GRIK5: variants seen among roughly 807,000 people sequenced by gnomAD.
GRIK5 encodes glutamate receptor ionotropic, kainate 5.
GRIK5 carries 43 observed loss-of-function variants against 97.4 expected under a neutral mutation model. That is an observed-to-expected ratio of 0.44 (90% CI 0.35 to 0.57). The LOEUF is 0.57. Among genes scored for constraint, GRIK5 ranks in the 20% least tolerant of loss-of-function variants. GRIK5 has a pLI of 0.01. For missense variants in GRIK5, 1,015 were observed against 1,382.0 expected (o/e 0.73, Z 4.21); for synonymous variants, 580 against 583.5 (o/e 0.99, Z 0.09).
At chr19:42,034,243 C>A (rs2075874742) in intron 12 of GRIK5, among the ~76,000 whole-genome samples, 1 of 152,084 alleles carries the variant, frequency 6.6e-6, no homozygotes. Context: ...TGCCTGTAAT[C>A]CCAGCTACTG....
chr19:42,036,093 CTT>C (rs975647429), intron 12 of GRIK5, among the ~76,000 whole-genome samples: 19 of 152,172 alleles, frequency 1.2e-4, no homozygotes, highest in East Asian at 7.7e-4. Context: ...GAGTCTCACT[CTT>C]GTCGCCCAGG....
chr19:42,005,237 C>CAAAAA (rs56825931), intron 17 of GRIK5, among the ~76,000 whole-genome samples: 11 of 88,624 alleles, frequency 1.2e-4, no homozygotes, highest in South Asian at 4.7e-4. Context: ...GACTCCGTCT[C>CAAAAA]AAAAAAAAAA....
rs2075444026 is a variant in GRIK5, at chr19:42,003,168, C to A, written c.2514+164G>T. Among the ~76,000 whole-genome samples the A allele has an allele frequency of 6.6e-6, 1 of 152,080 alleles. No individual in the cohort carries two copies. The highest frequency in any genetic ancestry group is 2.4e-5 in the African/African-American group (1 of 41,366). ...TCCTGTTCTTCCTCACGCGCTGATT[C>A]TCTGGCCCCATCAGCTCTCTTACTT... On this transcript the variant is annotated intron_variant, in intron 19 of 19. Coordinates refer to ENST00000593562, the MANE Select transcript of GRIK5 (RefSeq NM_002088.5). This position sits in a 1 kb window ranked among gnomAD's most constrained non-coding sequence, Gnocchi z 4.2.
chr19:42,023,459 A>G (rs987272511), intron 12 of GRIK5, among the ~76,000 whole-genome samples: 3 of 152,186 alleles, frequency 2.0e-5, no homozygotes, highest in Non-Finnish European at 2.9e-5. Flanking sequence ...TAGGACTCCA[A>G]TTATTTTAAG....
chr19:42,037,845 C>G (rs961637921), intron 12 of GRIK5, among the ~76,000 whole-genome samples: 1 of 152,200 alleles, frequency 6.6e-6, no homozygotes, highest in Non-Finnish European at 1.5e-5. Flanking sequence ...GGGGGAGGTC[C>G]TTGACGGCCA....
rs782334365 is a variant in GRIK5 at position 41,999,162 on chromosome 19, G to A, written c.2652C>T (p.Arg884=). ...CCGAGTAGAGCTTGCCGTTGCTGAG[G>A]CGCATCTCGCGGACCGCGCGCAGTG... The part of the protein sequence containing the change: ...LLSLRAVREM[R]LSNGKLYSAG... The change falls in exon 20 of 20, where the codon CGC becomes CGT. Residue 884 remains arginine, a synonymous_variant. Coordinates refer to ENST00000593562, the MANE Select transcript of GRIK5 (RefSeq NM_002088.5). The surrounding 1 kb of genome is among the most constrained non-coding windows in gnomAD (Gnocchi z 5.0). 3 of 1,504,204 alleles carry A rather than the reference G, an allele frequency of 2.0e-6. No homozygotes were observed. The highest frequency in any genetic ancestry group is 2.7e-5 in the East Asian group (1 of 36,894). The allele number at this position is 1,504,204 out of a possible 1,614,324, so 93.2% of individuals were successfully genotyped here. A position where few individuals can be genotyped will look rare whatever the true frequency, so the allele number is the denominator to read the frequency against.
Position 42,003,305 on chromosome 19 carries a change from G to GGGGCC in GRIK5, c.2514+26_2514+27insGGCCC. ...TCAGCCCCTGGGGGTCCCTGTTCCT[G>GGGGCC]CCCACCCCCACCCCCAGCCTCCTCA... On this transcript the variant is annotated intron_variant, in intron 19 of 19. Transcript: ENST00000593562. The surrounding 1 kb of genome is among the most constrained non-coding windows in gnomAD (Gnocchi z 4.2). The GGGGCC allele has an allele frequency of 1.9e-6, 3 of 1,540,742 alleles. No individual in the cohort carries two copies. The highest frequency in any genetic ancestry group is 2.7e-6 in the Non-Finnish European group (3 of 1,118,204).
At chr19:42,032,664 C>T (rs1487124171) in intron 12 of GRIK5, among the ~76,000 whole-genome samples, 2 of 152,162 alleles carry the variant, frequency 1.3e-5, no homozygotes, top group East Asian at 3.8e-4. Context: ...TCAAATGATC[C>T]GTGACCAGAG....
chr19:42,043,637 C>G (rs2076007740), intron 11 of GRIK5, among the ~76,000 whole-genome samples: 1 of 151,960 alleles, frequency 6.6e-6, no homozygotes. Context: ...GTCTTAAACT[C>G]CTGACCTCAA....
At chr19:42,060,899 A>G (rs1351026488) in intron 5 of GRIK5, among the ~76,000 whole-genome samples, 1 of 152,020 alleles carries the variant, frequency 6.6e-6, no homozygotes, top group African/African-American at 2.4e-5. Context: ...AGAACTCACT[A>G]CTTCTAACCA....
At chr19:42,050,677 T>A (rs896023560) in intron 11 of GRIK5, among the ~76,000 whole-genome samples, 13 of 146,270 alleles carry the variant, frequency 8.9e-5, no homozygotes, top group Middle Eastern at 3.5e-3. Flanking sequence ...AAAAAAAAAA[T>A]TAAAAAATAA....
chr19:42,035,986 T>A (rs537591530), intron 12 of GRIK5, among the ~76,000 whole-genome samples: 1 of 152,364 alleles, frequency 6.6e-6, no homozygotes, highest in South Asian at 2.1e-4. Context: ...TTATACTTAA[T>A]ACAAATATGT....
intron 8 of GRIK5, among the ~76,000 whole-genome samples, chr19:42,055,976 C>A (rs2076178573): frequency 6.6e-6 from 1 of 151,172 alleles, no homozygotes; most frequent in Admixed American, 6.6e-5. Flanking sequence ...AGCCACCATG[C>A]CTGGCCAATT....
intron 12 of GRIK5, among the ~76,000 whole-genome samples, chr19:42,026,714 G>T (rs948493911): frequency 1.3e-5 from 2 of 151,714 alleles, no homozygotes; most frequent in African/African-American, 4.8e-5. Flanking sequence ...GATTACAGGT[G>T]AATGCCACCA....
chr19:42,016,823 G>A (rs1386316585), intron 15 of GRIK5, among the ~76,000 whole-genome samples: 1 of 152,180 alleles, frequency 6.6e-6, no homozygotes, highest in Non-Finnish European at 1.5e-5. Context: ...TAAAGTGTGG[G>A]CCACTGGTGC....
intron 11 of GRIK5, among the ~76,000 whole-genome samples, chr19:42,048,868 G>C (rs1055265661): frequency 2.6e-4 from 40 of 151,810 alleles, no homozygotes; most frequent in African/African-American, 8.5e-4. Context: ...GTAAAACCCT[G>C]TCAATTAAAA....
intron 11 of GRIK5, among the ~76,000 whole-genome samples, chr19:42,052,245 C>G (rs949831503): frequency 6.6e-6 from 1 of 152,138 alleles, no homozygotes; most frequent in African/African-American, 2.4e-5. Context: ...GGTCACAGCT[C>G]AGCTCTCCTG....
In GRIK5 at chr19:42,002,934, C is replaced by T. The variant is rs938181011; in HGVS notation, c.2514+398G>A. ...TATTTTTAGTAGAGATGGGGTTTCA[C>T]CATGTTGGCCAGGCTGATCTTGAAC... On this transcript the variant is annotated intron_variant, in intron 19 of 19. Coordinates refer to ENST00000593562, the MANE Select transcript of GRIK5 (RefSeq NM_002088.5). This position sits in a 1 kb window ranked among gnomAD's most constrained non-coding sequence, Gnocchi z 5.2. Among the ~76,000 whole-genome samples, 2 of 152,118 alleles carry T rather than the reference C, an allele frequency of 1.3e-5. No individual in the cohort carries two copies. The highest frequency in any genetic ancestry group is 1.5e-5 in the Non-Finnish European group (1 of 68,022).
chr19:42,069,650 C>A lies in GRIK5; in HGVS notation c.-460G>T, dbSNP rs1308494220. On this transcript the variant is annotated 5_prime_UTR_variant, in exon 1 of 20. Coordinates refer to ENST00000593562, the MANE Select transcript of GRIK5 (RefSeq NM_002088.5). ...CCGCCCCCTCCCCTAGCCGGGCCGG[C>A]CTGGGGGGGCCACAGGGGGCGAGGA... Among the ~76,000 whole-genome samples the A allele has an allele frequency of 1.4e-5, 2 of 146,156 alleles. No homozygotes were observed. Among genetic ancestry groups the A allele is most frequent in the Admixed American group, 1.4e-4 (2 of 14,512 alleles).
Sources: gnomAD v4.1 joint callset for allele counts (sites outside exome capture counted in the v4.1 genomes callset) on GRCh38, gnomAD v4.1.1 for gene constraint, Gnocchi (gnomAD v3.1) non-coding constraint, MANE v1.5 for transcripts, NCBI Gene and HGNC (gene_info 2026-07-23, HGNC 2026-07-21) for gene names.